Variants in KCNH7 observed in about 807,000 individuals in gnomAD.
KCNH7 encodes the protein voltage-gated inwardly rectifying potassium channel KCNH7.
In KCNH7, 49 loss-of-function variants were observed where a neutral mutation model predicts 120.8. That is an observed-to-expected ratio of 0.41 (90% CI 0.32 to 0.51). KCNH7 has a LOEUF of 0.51. Ranked by LOEUF, KCNH7 falls within the 20% of genes least tolerant of loss-of-function variation. The pLI, the probability that KCNH7 is intolerant of heterozygous loss-of-function variation, is 0.38. For missense variants in KCNH7, 1,097 were observed against 1,446.6 expected (o/e 0.76, Z 3.92); for synonymous variants, 547 against 516.1 (o/e 1.06, Z -0.81).
At chr2:162,812,429 AG>A (rs1486121057) in intron 2 of KCNH7, among the ~76,000 whole-genome samples, 16 of 152,162 alleles carry the variant, frequency 1.1e-4, no homozygotes, top group Admixed American at 2.0e-4. Context: ...ACAGAAAGAA[AG>A]CAAAAGTAGA....
At position 162,404,877 on chromosome 2, in the gene KCNH7, C is replaced by T. The variant is rs10186651; in HGVS notation, c.2155-4436G>A. 4.1e-3 allele frequency among the ~76,000 whole-genome samples: 627 copies of T among 152,092 alleles called. 2 individuals are homozygous for T. The highest frequency in any genetic ancestry group is 0.014 in the African/African-American group (593 of 41,538). ...AAACATGTCTGAAATTATATCTGGACTTAAAGCCTTTCTCTAAATGCCCAA... is the reference window on the plus strand; with the variant it reads ...AAACATGTCTGAAATTATATCTGGATTTAAAGCCTTTCTCTAAATGCCCAA... On this transcript the variant is annotated intron_variant, in intron 9 of 15. Coordinates refer to ENST00000332142, the MANE Select transcript of KCNH7 (RefSeq NM_033272.4).
chr2:162,601,430 T>C (rs1038839892), intron 2 of KCNH7, among the ~76,000 whole-genome samples: 1 of 133,612 alleles, frequency 7.5e-6, no homozygotes, highest in African/African-American at 2.8e-5. Context: ...TTTTTTTGCT[T>C]ACTTTGGTGT....
intron 2 of KCNH7, among the ~76,000 whole-genome samples, chr2:162,661,919 G>A (rs953754635): frequency 1.3e-5 from 2 of 151,822 alleles, no homozygotes; most frequent in African/African-American, 4.8e-5. Flanking sequence ...TTTAAATAAG[G>A]GAGCAATTCC....
chr2:162,534,010 C>CA (rs1393883790), intron 3 of KCNH7, among the ~76,000 whole-genome samples: 4 of 150,826 alleles, frequency 2.7e-5, no homozygotes, highest in Non-Finnish European at 5.9e-5. Context: ...AAGTTTTTAA[C>CA]AAAAAATAAT....
At chr2:162,514,075 A>G (rs1365329688) in intron 4 of KCNH7, among the ~76,000 whole-genome samples, 1 of 151,846 alleles carries the variant, frequency 6.6e-6, no homozygotes, top group East Asian at 2.0e-4. Flanking sequence ...AAATCTGTTC[A>G]GCATTTTGTT....
At chr2:162,632,162 T>C (rs1559054475) in intron 2 of KCNH7, among the ~76,000 whole-genome samples, 1 of 151,968 alleles carries the variant, frequency 6.6e-6, no homozygotes, top group Non-Finnish European at 1.5e-5. Context: ...AGACATAAAA[T>C]GATTCAGCAA....
At chr2:162,500,508 C>G (rs868702804) in intron 6 of KCNH7, among the ~76,000 whole-genome samples, 1 of 151,772 alleles carries the variant, frequency 6.6e-6, no homozygotes, top group African/African-American at 2.4e-5. Context: ...AGGTAAATAA[C>G]TAATTGCCTA....
At chr2:162,570,006 G>C (rs1055035755) in intron 2 of KCNH7, among the ~76,000 whole-genome samples, 17 of 138,656 alleles carry the variant, frequency 1.2e-4, no homozygotes, top group African/African-American at 4.2e-4. Flanking sequence ...TGTATATTCT[G>C]TTGATTTGGG....
chr2:162,570,319 T>A (rs1185928522), intron 2 of KCNH7, among the ~76,000 whole-genome samples: 1 of 151,826 alleles, frequency 6.6e-6, no homozygotes, highest in Non-Finnish European at 1.5e-5. Flanking sequence ...TTTGTTGGTT[T>A]AAAGTCTGTT....
intron 2 of KCNH7, among the ~76,000 whole-genome samples, chr2:162,618,452 C>G (rs185931867): frequency 1.3e-5 from 2 of 151,974 alleles, no homozygotes; most frequent in East Asian, 3.8e-4. Context: ...GACACACATA[C>G]GTGCTTACAT....
At chr2:162,725,726 T>C (rs573543399) in intron 2 of KCNH7, among the ~76,000 whole-genome samples, 67 of 152,330 alleles carry the variant, frequency 4.4e-4, no homozygotes, top group Admixed American at 1.5e-3. Context: ...AGGGACATTA[T>C]GAAACTTTTT....
At chr2:162,618,611 G>GT (rs1399134538) in intron 2 of KCNH7, among the ~76,000 whole-genome samples, 1 of 152,020 alleles carries the variant, frequency 6.6e-6, no homozygotes, top group Non-Finnish European at 1.5e-5. Context: ...ATAAACTGCC[G>GT]TATTTGGTTA....
intron 2 of KCNH7, among the ~76,000 whole-genome samples, chr2:162,735,381 A>G (rs1329623022): frequency 6.6e-6 from 1 of 152,208 alleles, no homozygotes; most frequent in African/African-American, 2.4e-5. Flanking sequence ...AAGAATAAGC[A>G]TAGTTAAAAA....
chr2:162,733,395 T>A (rs537933781), intron 2 of KCNH7, among the ~76,000 whole-genome samples: 56 of 152,328 alleles, frequency 3.7e-4, no homozygotes, highest in African/African-American at 9.9e-4. Context: ...GCCACATAAC[T>A]TGCTTTGGCT....
At chr2:162,696,118 C>A (rs188560004) in intron 2 of KCNH7, among the ~76,000 whole-genome samples, 38 of 152,028 alleles carry the variant, frequency 2.5e-4, no homozygotes, top group Admixed American at 4.6e-4. Flanking sequence ...GATCATTAAA[C>A]TTACTTGTAA....
At chr2:162,786,681 T>C (rs151002281) in intron 2 of KCNH7, among the ~76,000 whole-genome samples, 35 of 152,350 alleles carry the variant, frequency 2.3e-4, no homozygotes, top group African/African-American at 7.7e-4. Flanking sequence ...AACACAAGCA[T>C]GCTTAAATTT....
intron 2 of KCNH7, among the ~76,000 whole-genome samples, chr2:162,655,874 G>A (rs945795716): frequency 6.6e-6 from 1 of 152,096 alleles, no homozygotes; most frequent in Non-Finnish European, 1.5e-5. Context: ...CTGATACATC[G>A]ATAGTTCTCA....
intron 2 of KCNH7, among the ~76,000 whole-genome samples, chr2:162,540,124 T>A (rs1040025199): frequency 2.0e-5 from 3 of 151,976 alleles, no homozygotes; most frequent in Admixed American, 2.0e-4. Context: ...AATGTGGAAA[T>A]AAGACTTCTA....
chr2:162,576,954 C>T (rs1410854632), intron 2 of KCNH7, among the ~76,000 whole-genome samples: 8 of 151,636 alleles, frequency 5.3e-5, no homozygotes, highest in African/African-American at 1.2e-4. Flanking sequence ...CTCTGTTGCC[C>T]GGGCTGGAGT....
Sources: gnomAD v4.1 joint callset for allele counts (sites outside exome capture counted in the v4.1 genomes callset) on GRCh38, gnomAD v4.1.1 for gene constraint, MANE v1.5 for transcripts, NCBI Gene and HGNC (gene_info 2026-07-23, HGNC 2026-07-21) for gene names.